SF3B3: variants seen among roughly 807,000 people sequenced by gnomAD.
SF3B3 encodes splicing factor 3b subunit 3, also known as SAP 130.
A neutral mutation model predicts 139.2 loss-of-function variants in SF3B3; 33 were observed. The observed-to-expected ratio is 0.24, with a 90% CI of 0.18 to 0.32. The LOEUF is 0.32. Ranked by LOEUF, SF3B3 falls within the 10% of genes least tolerant of loss-of-function variation. The pLI, the probability that SF3B3 is intolerant of heterozygous loss-of-function variation, is 1.00. For missense variants in SF3B3, 818 were observed against 1,509.4 expected (o/e 0.54, Z 7.59); for synonymous variants, 596 against 563.6 (o/e 1.06, Z -0.81).
chr16:70,570,687 A>C (rs142242124), intron 24 of SF3B3, among the ~76,000 whole-genome samples: 2 of 152,158 alleles, frequency 1.3e-5, no homozygotes, highest in Non-Finnish European at 2.9e-5. Context: ...CGAGTTTACA[A>C]GGTTAGCCTG....
chr16:70,555,285 G>C (rs2050368607), intron 13 of SF3B3, 79 bp downstream of exon 13: 6 of 1,323,792 alleles, frequency 4.5e-6, no homozygotes, highest in Non-Finnish European at 6.5e-6. Context: ...TAGTCATTTA[G>C]ATGATAGTAT....
chr16:70,530,198 C>T (rs1260101936), intron 3 of SF3B3, among the ~76,000 whole-genome samples: 1 of 151,754 alleles, frequency 6.6e-6, no homozygotes, highest in African/African-American at 2.4e-5. Context: ...TCTCACAATG[C>T]TGCCCAGGAT....
chr16:70,541,779 A>C lies in SF3B3; in HGVS notation c.1178A>C (p.Lys393Thr). The stretch of plus-strand genomic sequence containing the variant: ...TTCTTTTTTCAGCCAAGACCACTTA[A>C]AAACCTTGTGCTGGTTGATGAGTTG... ...DTFFFQPRPLKNLVLVDELDS... is the reference protein window; with the variant it reads ...DTFFFQPRPLTNLVLVDELDS... The change falls in exon 9 of 26, where the codon AAA (lysine) becomes ACA (threonine). Residue 393 changes from lysine (K) to threonine (T), a missense_variant. Lys to Thr is a moderately conservative substitution (Grantham distance 78, BLOSUM62 -1). This residue lies in a region of SF3B3 where 80 missense variants were observed against 206.5 expected (regional missense o/e 0.39). Coordinates refer to ENST00000302516, the MANE Select transcript of SF3B3 (RefSeq NM_012426.5). 6.2e-7 allele frequency: 1 copy of C among 1,614,182 alleles called. No individual in the cohort carries two copies. Among genetic ancestry groups the C allele is most frequent in the Non-Finnish European group, 8.5e-7 (1 of 1,180,016 alleles).
chr16:70,560,710 C>T, intron 16 of SF3B3, 119 bp downstream of exon 16: 1 of 1,183,014 alleles, frequency 8.5e-7, no homozygotes, highest in South Asian at 1.4e-5. Context: ...GATTGGTTTC[C>T]TTCATGTGAG....
At chr16:70,529,676 A>C (rs2050102016) in intron 3 of SF3B3, 1 of 156,176 alleles carries the variant, frequency 6.4e-6, no homozygotes, top group Non-Finnish European at 1.4e-5. Flanking sequence ...GTATCCTTAA[A>C]TGTAGGACTC....
intron 17 of SF3B3, 23 bp from the exon 18 acceptor site, chr16:70,563,853 A>G (rs763534433): frequency 6.2e-7 from 1 of 1,612,930 alleles, no homozygotes; most frequent in South Asian, 1.1e-5. Context: ...GTATTAAATA[A>G]CTGCCTTGCT....
At chr16:70,530,184 G>T (rs2050107806) in intron 3 of SF3B3, among the ~76,000 whole-genome samples, 1 of 151,186 alleles carries the variant, frequency 6.6e-6, no homozygotes, top group Non-Finnish European at 1.5e-5. Flanking sequence ...GAGAGAGATG[G>T]GGATCTCACA....
At chr16:70,539,956 A>G (rs2050203878) in intron 8 of SF3B3, among the ~76,000 whole-genome samples, 1 of 151,250 alleles carries the variant, frequency 6.6e-6, no homozygotes, top group East Asian at 2.0e-4. Flanking sequence ...TTGTACTTTT[A>G]GTAGAGACAG....
At chr16:70,569,652 C>T (rs2050509678) in intron 23 of SF3B3, among the ~76,000 whole-genome samples, 1 of 152,194 alleles carries the variant, frequency 6.6e-6, no homozygotes, top group Non-Finnish European at 1.5e-5. Flanking sequence ...GTTTTTGAGA[C>T]AAGGTCTCAC....
intron 15 of SF3B3, among the ~76,000 whole-genome samples, 154 bp downstream of exon 15, chr16:70,557,183 C>T (rs1369957120): frequency 1.3e-5 from 2 of 152,200 alleles, no homozygotes; most frequent in African/African-American, 4.8e-5. Flanking sequence ...CTTTTCTCAG[C>T]TCTTTAATTC....
chr16:70,542,239 T>C (rs924786694), intron 9 of SF3B3, among the ~76,000 whole-genome samples: 5 of 152,264 alleles, frequency 3.3e-5, no homozygotes, highest in African/African-American at 1.2e-4. Flanking sequence ...TCTTTTTCTT[T>C]TTAAAATAAG....
chr16:70,560,160 T>C (rs1269776269), intron 15 of SF3B3, among the ~76,000 whole-genome samples: 2 of 152,190 alleles, frequency 1.3e-5, no homozygotes, highest in African/African-American at 4.8e-5. Flanking sequence ...TGTGGTTATT[T>C]AATTATTTAT....
At chr16:70,559,703 A>C (rs2050410744) in intron 15 of SF3B3, among the ~76,000 whole-genome samples, 1 of 152,080 alleles carries the variant, frequency 6.6e-6, no homozygotes, top group African/African-American at 2.4e-5. Flanking sequence ...TAAATAAATA[A>C]AAATTTAAAA....
chr16:70,566,379 G>A (rs559722307), intron 20 of SF3B3, among the ~76,000 whole-genome samples: 7 of 152,094 alleles, frequency 4.6e-5, no homozygotes, highest in Non-Finnish European at 7.4e-5. Flanking sequence ...TCTGGTCAAC[G>A]TGGTGAAATC....
chr16:70,560,548 G>A lies in SF3B3; in HGVS notation c.2090G>A (p.Arg697His), dbSNP rs1469530585. 6.2e-7 allele frequency: 1 copy of A among 1,613,726 alleles called. No homozygotes were observed. The highest frequency in any genetic ancestry group is 8.5e-7 in the Non-Finnish European group (1 of 1,179,834). Reference protein sequence around the residue: ...SDTRTRYLGSRPVKLFRVRMQ... With the variant: ...SDTRTRYLGSHPVKLFRVRMQ... ...ACTCGCACTCGGTACCTGGGGTCCC[G>A]TCCTGTGAAGCTCTTCCGAGTCCGA... Residue 697 changes from arginine (R) to histidine (H), a missense_variant, in exon 16 of 26, where the codon CGT (arginine) becomes CAT (histidine). This residue lies in a region of SF3B3 where 170 missense variants were observed against 353.0 expected (regional missense o/e 0.48). Coordinates refer to ENST00000302516, the MANE Select transcript of SF3B3 (RefSeq NM_012426.5).
At chr16:70,566,038 A>G (rs1348150261) in intron 20 of SF3B3, among the ~76,000 whole-genome samples, 2 of 150,560 alleles carry the variant, frequency 1.3e-5, no homozygotes, top group Admixed American at 1.3e-4. Context: ...AATCGCTTGA[A>G]CCCGGGAGGC....
chr16:70,529,466 A>G (rs2050099900), intron 3 of SF3B3: 4 of 484,806 alleles, frequency 8.3e-6, no homozygotes, highest in Non-Finnish European at 1.5e-5. Flanking sequence ...GACTACAATG[A>G]AATGATCTTA....
chr16:70,531,231 G>T (rs2050118495), intron 4 of SF3B3, among the ~76,000 whole-genome samples: 1 of 152,102 alleles, frequency 6.6e-6, no homozygotes, highest in Non-Finnish European at 1.5e-5. Context: ...TCTCGCCACT[G>T]CACTCCAGCC....
intron 11 of SF3B3, among the ~76,000 whole-genome samples, chr16:70,548,677 A>G (rs571466173): frequency 6.6e-6 from 1 of 152,332 alleles, no homozygotes; most frequent in East Asian, 1.9e-4. Context: ...TTTAGTACAT[A>G]AAGGTTTCAG....
Sources: gnomAD v4.1 joint callset for allele counts (sites outside exome capture counted in the v4.1 genomes callset) on GRCh38, gnomAD v4.1.1 for gene constraint, gnomAD v4.1.1 regional missense constraint, MANE v1.5 for transcripts, NCBI Gene and HGNC (gene_info 2026-07-23, HGNC 2026-07-21) for gene names.